The following HIRA variants were observed in gnomAD, a reference collection of about 807,000 sequenced individuals.
The protein encoded by HIRA is histone cell cycle regulator, also known as protein HIRA.
A neutral mutation model predicts 126.6 loss-of-function variants in HIRA; 13 were observed. That is an observed-to-expected ratio of 0.10 (90% confidence interval 0.07 to 0.16). The LOEUF (loss-of-function observed/expected upper bound fraction) is 0.16, where lower values mean the gene tolerates loss of function less well. Among genes scored for constraint, HIRA ranks in the 10% least tolerant of loss-of-function variants. HIRA has a pLI of 1.00. For synonymous variants in HIRA, 511 were observed against 520.0 expected (o/e 0.98, Z 0.24); for missense variants, 834 against 1,314.4 (o/e 0.63, Z 5.65).
Position 19,361,913 on chromosome 22 carries a change from A to C in HIRA, c.1794T>G (p.Leu598=). 1.9e-6 allele frequency: 3 copies of C among 1,614,152 alleles called. No homozygotes were observed. The highest frequency in any genetic ancestry group is 2.5e-6 in the Non-Finnish European group (3 of 1,180,014). Residue 598 remains leucine (L), a synonymous_variant, in exon 16 of 25, where the codon CTT becomes CTG. Coordinates refer to ENST00000263208, the MANE Select transcript of HIRA (RefSeq NM_003325.4). ...TAVERLKEQN[L]VKELRPRDLL... is the part of the protein sequence containing the mutation. ...GGTCTCGGGGCCTCAGCTCTTTCAC[A>C]AGGTTCTGCTCTTTTAACCTGCACA...
intron 18 of HIRA, among the ~76,000 whole-genome samples, chr22:19,357,371 G>C (rs1252901073): frequency 2.0e-5 from 3 of 152,218 alleles, no homozygotes; most frequent in Non-Finnish European, 4.4e-5. Flanking sequence ...AACATGCCTT[G>C]CTCATCAGAT....
chr22:19,354,754 G>A (rs1457160714), intron 21 of HIRA, among the ~76,000 whole-genome samples: 3 of 151,220 alleles, frequency 2.0e-5, no homozygotes, highest in African/African-American at 7.3e-5. Context: ...GCAATTTGGG[G>A]GAGCAGGCAG....
intron 9 of HIRA, among the ~76,000 whole-genome samples, chr22:19,390,601 CAAAAAA>C (rs575050947): frequency 0.046 from 1,768 of 38,310 alleles, 61 homozygotes; most frequent in African/African-American, 0.14. Context: ...GACTCTGTCT[CAAAAAA>C]AAAAAAAAAA....
intron 5 of HIRA, chr22:19,398,975 C>T (rs780601961): frequency 1.0e-5 from 3 of 292,254 alleles, no homozygotes; most frequent in Non-Finnish European, 1.5e-5. Flanking sequence ...TCTCAAAAAA[C>T]AAACAAAAAA....
At chr22:19,409,952 T>C (rs960573856) in intron 2 of HIRA, among the ~76,000 whole-genome samples, 3 of 152,130 alleles carry the variant, frequency 2.0e-5, no homozygotes, top group African/African-American at 7.2e-5. Context: ...GGTGGAAGCA[T>C]CTGCTGGAAA....
intron 20 of HIRA, among the ~76,000 whole-genome samples, 161 bp downstream of exon 20, chr22:19,356,069 C>T (rs528830727): frequency 3.9e-4 from 59 of 152,190 alleles, no homozygotes; most frequent in Non-Finnish European, 7.8e-4. Flanking sequence ...TCAAACATGC[C>T]CCCAAAAAGT....
intron 13 of HIRA, among the ~76,000 whole-genome samples, chr22:19,380,876 G>A (rs1402880079): frequency 6.6e-6 from 1 of 152,052 alleles, no homozygotes; most frequent in Non-Finnish European, 1.5e-5. Flanking sequence ...TGCCTGCCTC[G>A]GCCTCCCAAA....
chr22:19,361,970 C>G (rs768238449), intron 15 of HIRA, 39 bp from the exon 16 acceptor site: 26 of 1,586,508 alleles, frequency 1.6e-5, no homozygotes, highest in Non-Finnish European at 2.2e-5. Flanking sequence ...CTTCAGAAAC[C>G]ATTCATGCAA....
In HIRA at chr22:19,331,224, G is replaced by A; in HGVS notation, c.*216C>T. On this transcript the variant is annotated 3_prime_UTR_variant, in exon 25 of 25. Coordinates refer to ENST00000263208, the MANE Select transcript of HIRA (RefSeq NM_003325.4). ...GCCCTAGCTCCGCATCGGGGGCTTG[G>A]AGGGAGGGATGAGCTTCCCCCTCCT... 1 of 1,479,052 alleles carries A rather than the reference G, an allele frequency of 6.8e-7. No homozygotes were observed. Among genetic ancestry groups the A allele is most frequent in the Non-Finnish European group, 9.0e-7 (1 of 1,110,590 alleles). The allele number at this position is 1,479,052 out of a possible 1,614,324, so 91.6% of individuals were successfully genotyped here.
chr22:19,369,496 G>T (rs2088945195), intron 15 of HIRA, among the ~76,000 whole-genome samples: 1 of 152,178 alleles, frequency 6.6e-6, no homozygotes, highest in African/African-American at 2.4e-5. Context: ...TTCTGCCTGA[G>T]AGGAGATGGA....
At position 19,351,122 on chromosome 22, in the gene HIRA, C is replaced by T. The variant is rs1252394634; in HGVS notation, c.2937+236G>A. ...AGCCCAGAGCCCCTGCAGGCAGCCT[C>T]CCTCAGCACAGGCACGTGGCGGAGC... On this transcript the variant is annotated intron_variant, in intron 24 of 24. Transcript: ENST00000263208. The surrounding 1 kb of genome is among the most constrained non-coding windows in gnomAD (Gnocchi z 4.8). 2.0e-6 allele frequency: 2 copies of T among 985,214 alleles called. No individual in the cohort carries two copies. Among genetic ancestry groups the T allele is most frequent in the East Asian group, 2.3e-4 (2 of 8,802 alleles). The allele number at this position is 985,214 out of a possible 1,614,324, so 61.0% of individuals were successfully genotyped here.
Position 19,331,309 on chromosome 22 carries a change from G to A in HIRA, c.*131C>T, listed in dbSNP as rs1556004497. The A allele has an allele frequency of 2.5e-6, 4 of 1,590,096 alleles. No homozygotes were observed. In the Admixed American group the frequency reaches 6.8e-5, roughly 27 times the overall value. On this transcript the variant is annotated 3_prime_UTR_variant, in exon 25 of 25. Transcript: ENST00000263208. ...TGCCCAGGGAGCTGGGCTGGCGCTG[G>A]TGCAGGACAGCACATCTCCTGCCAG...
At chr22:19,410,662 A>G in intron 2 of HIRA, 54 bp downstream of exon 2, 2 of 1,312,970 alleles carry the variant, frequency 1.5e-6, no homozygotes, top group South Asian at 2.4e-5. Flanking sequence ...CAGCAGGAGA[A>G]GAGCAAGGTG....
intron 9 of HIRA, among the ~76,000 whole-genome samples, chr22:19,388,827 G>C (rs2089151162): frequency 2.0e-5 from 3 of 152,226 alleles, no homozygotes; most frequent in African/African-American, 7.2e-5. Context: ...ACTAGCAACA[G>C]AGAAGGCAGA....
Position 19,387,715 on chromosome 22 carries a change from T to A in HIRA, c.1109A>T (p.Glu370Val). 6.2e-7 allele frequency: 1 copy of A among 1,613,412 alleles called. No homozygotes were observed. Among genetic ancestry groups the A allele is most frequent in the South Asian group, 1.1e-5 (1 of 90,844 alleles). Residue 370 changes from glutamate (E) to valine (V), a missense_variant, in exon 11 of 25, where the codon GAG becomes GTG. This residue lies in a region of HIRA where 153 missense variants were observed against 270.6 expected (regional missense o/e 0.57). Coordinates refer to ENST00000263208, the MANE Select transcript of HIRA (RefSeq NM_003325.4). ...GCACAAGAGCCGTCAGCCTACCTTC[T>A]CCTCCTCGCTCAGGGGATCGCCAAG... ...DELGDPLSEE[E>V]KSRIHQSTYG...
intron 1 of HIRA, among the ~76,000 whole-genome samples, chr22:19,430,955 C>T (rs939769781): frequency 1.3e-5 from 2 of 152,190 alleles, no homozygotes; most frequent in Non-Finnish European, 2.9e-5. Flanking sequence ...TATTTAGGGA[C>T]CACAATTCCC....
intron 10 of HIRA, 52 bp downstream of exon 10, chr22:19,388,432 A>G (rs2089147606): frequency 2.8e-6 from 4 of 1,429,930 alleles, no homozygotes; most frequent in Non-Finnish European, 3.9e-6. Flanking sequence ...TCATGTTCCA[A>G]TGTGTGGCTT....
chr22:19,424,894 T>C (rs2089477270), intron 1 of HIRA, among the ~76,000 whole-genome samples: 1 of 152,168 alleles, frequency 6.6e-6, no homozygotes, highest in African/African-American at 2.4e-5. Flanking sequence ...AAGAGACGTG[T>C]CCCTCTGTCT....
chr22:19,345,074 A>G (rs782446520), intron 24 of HIRA, among the ~76,000 whole-genome samples: 1 of 152,238 alleles, frequency 6.6e-6, no homozygotes, highest in East Asian at 1.9e-4. Flanking sequence ...ATCAGGAACA[A>G]GAGAAGGATG....
Sources: gnomAD v4.1 joint callset for allele counts (sites outside exome capture counted in the v4.1 genomes callset) on GRCh38, gnomAD v4.1.1 for gene constraint, gnomAD v4.1.1 regional missense constraint, Gnocchi (gnomAD v3.1) non-coding constraint, MANE v1.5 for transcripts, NCBI Gene and HGNC (gene_info 2026-07-23, HGNC 2026-07-21) for gene names.